Variants in MACROD2 observed in about 807,000 individuals in gnomAD.
MACROD2 encodes the protein mono-ADP ribosylhydrolase 2.
A neutral mutation model predicts 70.4 loss-of-function variants in MACROD2; 36 were observed. That is an observed-to-expected ratio of 0.51 (90% CI 0.39 to 0.68). MACROD2 has a LOEUF of 0.68. Ranked by LOEUF, MACROD2 falls within the 30% of genes least tolerant of loss-of-function variation. The probability of loss-of-function intolerance (pLI) is 0.00; values close to 1 mark genes in which losing one functional copy is unlikely to be tolerated. For synonymous variants in MACROD2, 172 were observed against 178.8 expected (o/e 0.96, Z 0.30); for missense variants, 496 against 538.4 (o/e 0.92, Z 0.78).
chr20:14,266,190 G>C (rs921315834), intron 3 of MACROD2, among the ~76,000 whole-genome samples: 1 of 152,028 alleles, frequency 6.6e-6, no homozygotes, highest in Non-Finnish European at 1.5e-5. Flanking sequence ...ACATTCTCTA[G>C]GCCTAACTCT....
intron 5 of MACROD2, among the ~76,000 whole-genome samples, chr20:14,830,384 G>A (rs749676107): frequency 3.7e-4 from 57 of 152,112 alleles, no homozygotes; most frequent in Non-Finnish European, 6.9e-4. Context: ...CTTAGTGATG[G>A]CATCTTTTTG....
intron 5 of MACROD2, among the ~76,000 whole-genome samples, chr20:14,942,771 AAAGCCT>A (rs914609042): frequency 1.1e-4 from 5 of 44,160 alleles, no homozygotes; most frequent in Non-Finnish European, 2.4e-4. Flanking sequence ...TATGAGCCTA[AAAGCCT>A]AAATTTTTAA....
intron 3 of MACROD2, among the ~76,000 whole-genome samples, chr20:14,419,058 G>GT (rs1397381568): frequency 6.7e-6 from 1 of 149,550 alleles, no homozygotes; most frequent in Non-Finnish European, 1.5e-5. Flanking sequence ...TTTTTGTTTT[G>GT]TTTTTTGTTT....
At chr20:15,128,453 A>G (rs1363419435) in intron 5 of MACROD2, among the ~76,000 whole-genome samples, 1 of 152,096 alleles carries the variant, frequency 6.6e-6, no homozygotes, top group Non-Finnish European at 1.5e-5. Context: ...TGAGTTCTTT[A>G]GTATTTTCCC....
intron 15 of MACROD2, among the ~76,000 whole-genome samples, chr20:16,036,597 G>A (rs1367076105): frequency 6.6e-6 from 1 of 151,958 alleles, no homozygotes; most frequent in African/African-American, 2.4e-5. Flanking sequence ...GGAGGGACAG[G>A]CAAACTGTAA....
chr20:15,051,508 T>C (rs2075441052), intron 5 of MACROD2, among the ~76,000 whole-genome samples: 2 of 152,040 alleles, frequency 1.3e-5, no homozygotes, highest in South Asian at 2.1e-4. Context: ...GAAGCCGCAG[T>C]CTACACATGA....
At chr20:14,357,383 CTT>C (rs780201446) in intron 3 of MACROD2, among the ~76,000 whole-genome samples, 1 of 152,060 alleles carries the variant, frequency 6.6e-6, no homozygotes, top group Non-Finnish European at 1.5e-5. Flanking sequence ...ATGTTGAAAA[CTT>C]ATTACTATAA....
intron 8 of MACROD2, among the ~76,000 whole-genome samples, chr20:15,803,211 A>T (rs1013553658): frequency 6.6e-6 from 1 of 152,102 alleles, no homozygotes; most frequent in Admixed American, 6.5e-5. Flanking sequence ...CAATAAACAA[A>T]GAAAAATACA....
intron 3 of MACROD2, among the ~76,000 whole-genome samples, chr20:14,427,152 C>T (rs776915798): frequency 1.6e-4 from 24 of 151,862 alleles, no homozygotes; most frequent in East Asian, 1.4e-3. Flanking sequence ...TTTTTTTAAA[C>T]GGTGAAACTT....
At chr20:14,732,575 G>C (rs2071612395) in intron 5 of MACROD2, among the ~76,000 whole-genome samples, 1 of 152,064 alleles carries the variant, frequency 6.6e-6, no homozygotes, top group African/African-American at 2.4e-5. Flanking sequence ...CTTTGCTTTG[G>C]AATTTTACCA....
chr20:14,880,343 G>A (rs184879689), intron 5 of MACROD2, among the ~76,000 whole-genome samples: 1 of 152,242 alleles, frequency 6.6e-6, no homozygotes, highest in African/African-American at 2.4e-5. Flanking sequence ...AGCAACATTT[G>A]TTTTTCTACT....
In MACROD2 at chr20:16,052,597, C is replaced by T. The variant is rs2067472756; in HGVS notation, c.*2721C>T. On this transcript the variant is annotated 3_prime_UTR_variant, in exon 18 of 18. Coordinates refer to ENST00000684519, the MANE Select transcript of MACROD2 (RefSeq NM_001351661.2). ...AGCTGGTAACTATTCAGATGATGGA[C>T]AAGTCTTCTTTCATAAAAGATTACA... is the stretch of plus-strand genomic sequence containing the variant. The T allele has an allele frequency of 6.6e-6, 1 of 152,636 alleles. No individual in the cohort carries two copies. Among genetic ancestry groups the T allele is most frequent in the Non-Finnish European group, 1.5e-5 (1 of 68,036 alleles). The allele number at this position is 152,636 out of a possible 1,614,324, so 9.5% of individuals were successfully genotyped here. A position where few individuals can be genotyped will look rare whatever the true frequency, so the allele number is the denominator to read the frequency against.
intron 3 of MACROD2, among the ~76,000 whole-genome samples, chr20:14,243,642 A>G (rs1423027862): frequency 6.6e-6 from 1 of 152,186 alleles, no homozygotes; most frequent in Non-Finnish European, 1.5e-5. Flanking sequence ...ATAGTAGACA[A>G]ACTGTTAACT....
intron 15 of MACROD2, among the ~76,000 whole-genome samples, chr20:16,028,267 G>T (rs6135645): frequency 1.3e-5 from 2 of 152,140 alleles, no homozygotes; most frequent in Non-Finnish European, 2.9e-5. Flanking sequence ...ATTTGGCCTC[G>T]TGGGTGGGGG....
chr20:14,017,738 A>G (rs964745260), intron 2 of MACROD2, among the ~76,000 whole-genome samples: 3 of 152,120 alleles, frequency 2.0e-5, no homozygotes, highest in Non-Finnish European at 2.9e-5. Context: ...ATTGTGATTC[A>G]TAAAGGATAT....
At chr20:15,886,180 G>A (rs779367003) in intron 10 of MACROD2, among the ~76,000 whole-genome samples, 3 of 152,158 alleles carry the variant, frequency 2.0e-5, no homozygotes, top group Non-Finnish European at 4.4e-5. Context: ...AGCTCAGCAG[G>A]AAGATTCAAC....
intron 15 of MACROD2, among the ~76,000 whole-genome samples, chr20:16,030,821 C>T (rs1219733294): frequency 1.3e-5 from 2 of 152,018 alleles, no homozygotes; most frequent in African/African-American, 4.8e-5. Context: ...TGATAGGTGT[C>T]GCTGAAATTT....
chr20:15,815,791 A>T (rs1335705252), intron 8 of MACROD2, among the ~76,000 whole-genome samples: 2 of 152,164 alleles, frequency 1.3e-5, no homozygotes, highest in Non-Finnish European at 2.9e-5. Flanking sequence ...TTCTTCTGCC[A>T]GTCAGCTTGT....
chr20:14,534,885 G>A (rs1306374325), intron 4 of MACROD2, among the ~76,000 whole-genome samples: 1 of 151,778 alleles, frequency 6.6e-6, no homozygotes, highest in African/African-American at 2.4e-5. Context: ...GATAGTTTTT[G>A]AACAGAAAAA....
Sources: allele counts gnomAD v4.1 joint callset (sites outside exome capture counted in the v4.1 genomes callset), GRCh38; gene constraint gnomAD v4.1.1; transcripts MANE v1.5; gene names NCBI Gene and HGNC (gene_info 2026-07-23, HGNC 2026-07-21).